Variants in TEC observed in about 807,000 individuals in gnomAD.
TEC encodes tyrosine-protein kinase Tec.
A neutral mutation model predicts 93.0 loss-of-function variants in TEC; 72 were observed. The ratio of observed to expected loss-of-function variants is 0.77; its 90% CI spans 0.64 to 0.94. TEC has a LOEUF of 0.94. Among genes scored for constraint, TEC ranks in the 40% least tolerant of loss-of-function variants. TEC has a pLI of 0.00. For missense variants in TEC, 630 were observed against 757.9 expected (o/e 0.83, Z 1.98); for synonymous variants, 249 against 247.7 (o/e 1.01, Z -0.05).
At chr4:48,146,809 C>A (rs888864408) in intron 11 of TEC, among the ~76,000 whole-genome samples, 1 of 152,210 alleles carries the variant, frequency 6.6e-6, no homozygotes, top group African/African-American at 2.4e-5. Flanking sequence ...GGAATACCAA[C>A]TACTGGAAAT....
At chr4:48,152,830 A>G (rs1720230840) in intron 9 of TEC, among the ~76,000 whole-genome samples, 1 of 152,190 alleles carries the variant, frequency 6.6e-6, no homozygotes, top group East Asian at 1.9e-4. Flanking sequence ...TTTAACATCA[A>G]CTACAAAAAC....
In TEC at chr4:48,146,088, T is replaced by C. The variant is rs564016023; in HGVS notation, c.1081+237A>G. Among the ~76,000 whole-genome samples the C allele has an allele frequency of 3.9e-5, 6 of 152,356 alleles. No homozygotes were observed. In the East Asian group the frequency reaches 1.2e-3, roughly 29 times the overall value. ...AGGAAGGGCTTTGATTTATTTTAGA[T>C]GTTAACATGATAATGCTTATTTTTC... On this transcript the variant is annotated intron_variant, in intron 12 of 17. Coordinates refer to ENST00000381501, the MANE Select transcript of TEC (RefSeq NM_003215.3).
intron 2 of TEC, among the ~76,000 whole-genome samples, chr4:48,212,723 C>T (rs1722953181): frequency 6.6e-6 from 1 of 152,176 alleles, no homozygotes; most frequent in Non-Finnish European, 1.5e-5. Flanking sequence ...TTGAGAGTCC[C>T]GTGGGCAAGT....
rs192770938 is a variant in TEC at position 48,231,651 on chromosome 4, G to A, written c.-45-2992C>T. On this transcript the variant is annotated intron_variant, in intron 1 of 17. Coordinates refer to ENST00000381501, the MANE Select transcript of TEC (RefSeq NM_003215.3). ...GGGGGCCTGTAGTCCCAGCTACTCGGGAAGCTGAGGCAGGAGAATGGCATG... is the reference window on the plus strand; with the variant it reads ...GGGGGCCTGTAGTCCCAGCTACTCGAGAAGCTGAGGCAGGAGAATGGCATG... Among the ~76,000 whole-genome samples, 641 of 152,214 alleles carry A rather than the reference G, an allele frequency of 4.2e-3. 1 individual carries two copies. The highest frequency in any genetic ancestry group is 6.4e-3 in the Non-Finnish European group (438 of 68,010).
chr4:48,145,099 T>G lies in TEC; in HGVS notation c.1450A>C (p.Ser484Arg), dbSNP rs773686592. 9.3e-6 allele frequency: 15 copies of G among 1,613,992 alleles called. No individual in the cohort carries two copies. The highest frequency in any genetic ancestry group is 1.3e-5 in the Non-Finnish European group (15 of 1,179,866). Residue 484 changes from serine (S) to arginine (R), a missense_variant, in exon 14 of 18, where the codon AGC (serine) becomes CGC (arginine). Around this residue, in one of 3 missense-constraint regions of TEC, gnomAD observed 289 missense variants for 390.0 expected, o/e 0.74. Coordinates refer to ENST00000381501, the MANE Select transcript of TEC (RefSeq NM_003215.3). ...CEGMEYLERN[S>R]FIHRDLAARN... is the part of the protein sequence containing the mutation. ...GTTACCAGATCTCTGTGGATGAAGC[T>G]GTTTCTCTCCAGATACTCCATCCCT...
At chr4:48,269,402 C>T (rs1724724390) in intron 1 of TEC, among the ~76,000 whole-genome samples, 1 of 152,256 alleles carries the variant, frequency 6.6e-6, no homozygotes, top group African/African-American at 2.4e-5. Flanking sequence ...TGGGACGTGA[C>T]CCCAACGCTG....
chr4:48,251,369 C>T (rs752416507), intron 1 of TEC, among the ~76,000 whole-genome samples: 3 of 152,142 alleles, frequency 2.0e-5, no homozygotes, highest in Non-Finnish European at 4.4e-5. Context: ...TCTTATAACT[C>T]AAATTTTAGT....
chr4:48,170,264 G>C lies in TEC; in HGVS notation c.438C>G (p.Tyr146Ter). Reference sequence around the variant, plus strand: ...AATACTTACTGCTCTCAAAAAGATTGTATTTTTCACATCCGGGTGCTAATT... The same window carrying C: ...AATACTTACTGCTCTCAAAAAGATTCTATTTTTCACATCCGGGTGCTAATT... Reference protein sequence around the residue: ...TEKLAPGCEKYNLFESSIRKA... With the variant: ...TEKLAPGCEK The change falls in exon 5 of 18, where the codon TAC becomes TAG. Residue 146 changes from tyrosine (Y) to a stop codon, truncating the protein, a stop_gained. Coordinates refer to ENST00000381501, the MANE Select transcript of TEC (RefSeq NM_003215.3). LOFTEE classifies it high-confidence loss of function. The C allele has an allele frequency of 1.3e-6, 2 of 1,594,408 alleles. No individual in the cohort carries two copies. Among genetic ancestry groups the C allele is most frequent in the Non-Finnish European group, 1.7e-6 (2 of 1,164,216 alleles).
intron 2 of TEC, among the ~76,000 whole-genome samples, chr4:48,187,315 T>C (rs1260082048): frequency 6.6e-6 from 1 of 152,076 alleles, no homozygotes; most frequent in Non-Finnish European, 1.5e-5. Context: ...GGGTCCTCTG[T>C]CTAGGAAAAC....
intron 1 of TEC, among the ~76,000 whole-genome samples, chr4:48,265,755 G>T (rs2136502): frequency 0.92 from 140,214 of 152,080 alleles, 65,765 homozygotes; most frequent in East Asian, 1. Context: ...TCAGGTGATC[G>T]GCCTGCCTTG....
intron 1 of TEC, among the ~76,000 whole-genome samples, chr4:48,268,833 CAAGTT>C (rs1401896779): frequency 6.6e-6 from 1 of 152,176 alleles, no homozygotes; most frequent in East Asian, 1.9e-4. Context: ...CCTGTTGTTC[CAAGTT>C]AACATTAAGA....
chr4:48,161,633 T>G (rs1720665725), intron 8 of TEC, among the ~76,000 whole-genome samples: 1 of 148,756 alleles, frequency 6.7e-6, no homozygotes, highest in African/African-American at 2.5e-5. Flanking sequence ...TTGAGAACAT[T>G]TAAGTTGTTG....
chr4:48,164,164 A>G (rs1291669886), intron 7 of TEC, among the ~76,000 whole-genome samples: 1 of 152,220 alleles, frequency 6.6e-6, no homozygotes, highest in East Asian at 1.9e-4. Context: ...TTTTGCTGAT[A>G]TGTGTTAAAG....
At chr4:48,254,066 A>G (rs1724277904) in intron 1 of TEC, among the ~76,000 whole-genome samples, 1 of 152,174 alleles carries the variant, frequency 6.6e-6, no homozygotes, top group Non-Finnish European at 1.5e-5. Flanking sequence ...GATCATACGT[A>G]ATCTCTTTTA....
chr4:48,219,383 G>A (rs1425097665), intron 2 of TEC, among the ~76,000 whole-genome samples: 1 of 152,120 alleles, frequency 6.6e-6, no homozygotes, highest in Non-Finnish European at 1.5e-5. Flanking sequence ...CTTCTTGTGG[G>A]AGGCTGGATA....
At chr4:48,152,494 C>T (rs1232513365) in intron 9 of TEC, among the ~76,000 whole-genome samples, 1 of 151,426 alleles carries the variant, frequency 6.6e-6, no homozygotes, top group Non-Finnish European at 1.5e-5. Flanking sequence ...TAACAGCAAC[C>T]CACTTATTTA....
At chr4:48,167,409 T>TAG (rs1192135520) in intron 7 of TEC, among the ~76,000 whole-genome samples, 4 of 151,896 alleles carry the variant, frequency 2.6e-5, no homozygotes, top group South Asian at 2.1e-4. Context: ...TACGTATATA[T>TAG]AGAGAGAGAG....
At chr4:48,199,421 C>A (rs1312102970) in intron 2 of TEC, among the ~76,000 whole-genome samples, 1 of 150,368 alleles carries the variant, frequency 6.7e-6, no homozygotes, top group Non-Finnish European at 1.5e-5. Flanking sequence ...ACAACCACTG[C>A]ACTCCAGTCT....
chr4:48,144,993 G>T, intron 14 of TEC, 86 bp downstream of exon 14: 1 of 1,196,486 alleles, frequency 8.4e-7, no homozygotes, highest in Non-Finnish European at 1.2e-6. Context: ...ACAAAAATTG[G>T]CTATTAATAC....
Sources: gnomAD v4.1 joint callset for allele counts (sites outside exome capture counted in the v4.1 genomes callset) on GRCh38, gnomAD v4.1.1 for gene constraint, gnomAD v4.1.1 regional missense constraint, MANE v1.5 for transcripts, NCBI Gene and HGNC (gene_info 2026-07-23, HGNC 2026-07-21) for gene names.